The following MTREX variants were observed in gnomAD, a reference collection of about 807,000 sequenced individuals.
MTREX encodes the protein Mtr4 exosome RNA helicase.
A neutral mutation model predicts 135.4 loss-of-function variants in MTREX; 76 were observed. The ratio of observed to expected loss-of-function variants is 0.56; its 90% CI spans 0.47 to 0.68. The LOEUF is 0.68. Among genes scored for constraint, MTREX ranks in the 30% least tolerant of loss-of-function variants. MTREX has a pLI of 0.00. For synonymous variants in MTREX, 404 were observed against 401.6 expected (o/e 1.01, Z -0.07); for missense variants, 920 against 1,262.1 (o/e 0.73, Z 4.11).
intron 5 of MTREX, among the ~76,000 whole-genome samples, chr5:55,334,053 G>A (rs80253814): frequency 1.4e-3 from 210 of 152,176 alleles, no homozygotes; most frequent in African/African-American, 4.6e-3. Context: ...AACATTATGC[G>A]TACTAAAAGA....
At chr5:55,345,231 T>A (rs752163914) in intron 10 of MTREX, 35 bp downstream of exon 10, 1 of 1,340,780 alleles carries the variant, frequency 7.5e-7, no homozygotes, top group Admixed American at 1.7e-5. Flanking sequence ...GAATTTTACA[T>A]GTAAATTGTA....
intron 18 of MTREX, among the ~76,000 whole-genome samples, chr5:55,381,318 C>T (rs373714990): frequency 4.0e-5 from 6 of 151,880 alleles, no homozygotes; most frequent in Admixed American, 2.6e-4. Flanking sequence ...CTTTTTTCAA[C>T]GTGTTAAGGT....
At chr5:55,386,960 T>C (rs989369394) in intron 18 of MTREX, among the ~76,000 whole-genome samples, 9 of 152,152 alleles carry the variant, frequency 5.9e-5, no homozygotes, top group Non-Finnish European at 8.8e-5. Context: ...GCTCATTGTT[T>C]GTAAAACTCA....
At chr5:55,356,570 C>A in intron 14 of MTREX, 1 of 196,894 alleles carries the variant, frequency 5.1e-6, no homozygotes, top group South Asian at 1.0e-4. Context: ...GGTCCGCTGT[C>A]AGCAGGCAGT....
intron 18 of MTREX, among the ~76,000 whole-genome samples, chr5:55,380,395 T>A (rs1750377089): frequency 6.6e-6 from 1 of 152,156 alleles, no homozygotes; most frequent in Non-Finnish European, 1.5e-5. Flanking sequence ...AAAAGAAACA[T>A]ATGTCATTCA....
At chr5:55,403,724 T>A (rs1750758261) in intron 21 of MTREX, among the ~76,000 whole-genome samples, 1 of 152,226 alleles carries the variant, frequency 6.6e-6, no homozygotes, top group Non-Finnish European at 1.5e-5. Context: ...TAGCATTCAT[T>A]GTCTAGCTTG....
At chr5:55,387,447 TTC>T (rs1000484490) in intron 18 of MTREX, among the ~76,000 whole-genome samples, 3 of 152,098 alleles carry the variant, frequency 2.0e-5, no homozygotes, top group African/African-American at 7.2e-5. Context: ...AAAAAATATC[TTC>T]TGTTATTGCT....
At chr5:55,325,649 C>A (rs918618808) in intron 3 of MTREX, among the ~76,000 whole-genome samples, 6 of 151,986 alleles carry the variant, frequency 3.9e-5, no homozygotes, top group Non-Finnish European at 5.9e-5. Flanking sequence ...TGTGCCTAGC[C>A]ATGTGCAGGT....
chr5:55,409,538 T>C (rs1750854984), intron 22 of MTREX, among the ~76,000 whole-genome samples: 1 of 152,220 alleles, frequency 6.6e-6, no homozygotes, highest in Admixed American at 6.5e-5. Context: ...ATAAATATAT[T>C]GTCCTTATAA....
At chr5:55,308,210 A>G (rs541294144) in intron 1 of MTREX, 63 bp downstream of exon 1, 3 of 1,504,600 alleles carry the variant, frequency 2.0e-6, no homozygotes, top group East Asian at 4.7e-5. Context: ...AGAAAACACT[A>G]CTCTCTTAGG....
intron 25 of MTREX, among the ~76,000 whole-genome samples, chr5:55,421,625 A>T (rs1216411492): frequency 6.6e-6 from 1 of 152,230 alleles, no homozygotes; most frequent in Non-Finnish European, 1.5e-5. Flanking sequence ...CGAGTTACTA[A>T]AATTTGTGAA....
intron 15 of MTREX, among the ~76,000 whole-genome samples, chr5:55,365,984 C>T (rs1750097417): frequency 6.7e-6 from 1 of 149,060 alleles, no homozygotes; most frequent in Admixed American, 6.6e-5. Context: ...CAGCGAGACC[C>T]CATCTAAAAA....
chr5:55,421,017 AT>A (rs1177364934), intron 25 of MTREX, among the ~76,000 whole-genome samples: 2 of 152,200 alleles, frequency 1.3e-5, no homozygotes, highest in Admixed American at 1.3e-4. Context: ...ACTAGAAAGA[AT>A]TGGATTTCTC....
intron 16 of MTREX, among the ~76,000 whole-genome samples, chr5:55,375,356 G>C (rs556802187): frequency 3.3e-5 from 5 of 152,238 alleles, no homozygotes; most frequent in African/African-American, 1.2e-4. Context: ...TACGCCCCAG[G>C]GGGGACAGTT....
At chr5:55,315,506 G>C (rs532265354) in intron 1 of MTREX, among the ~76,000 whole-genome samples, 1 of 151,966 alleles carries the variant, frequency 6.6e-6, no homozygotes. Context: ...ACAAATATTT[G>C]TAGTTATTAT....
At chr5:55,308,637 G>A (rs1749028106) in intron 1 of MTREX, among the ~76,000 whole-genome samples, 1 of 152,090 alleles carries the variant, frequency 6.6e-6, no homozygotes, top group Non-Finnish European at 1.5e-5. Context: ...GTGGATATGA[G>A]GATTCAATGA....
At chr5:55,412,178 C>A (rs1750893728) in intron 23 of MTREX, among the ~76,000 whole-genome samples, 1 of 152,058 alleles carries the variant, frequency 6.6e-6, no homozygotes, top group Non-Finnish European at 1.5e-5. Context: ...TACTGATTGT[C>A]ATGTGGATTT....
chr5:55,393,306 CT>C (rs1255252611), intron 19 of MTREX, among the ~76,000 whole-genome samples: 2 of 152,154 alleles, frequency 1.3e-5, no homozygotes. Context: ...GTTGGCATTG[CT>C]TTTATGGAGA....
chr5:55,345,143 A>T lies in MTREX; in HGVS notation c.1055A>T (p.Asp352Val), dbSNP rs1319009651. 1 of 1,613,686 alleles carries T rather than the reference A, an allele frequency of 6.2e-7. No individual in the cohort carries two copies. The highest frequency in any genetic ancestry group is 1.1e-5 in the South Asian group (1 of 91,014). The change falls in exon 10 of 27, where the codon GAT becomes GTT. Residue 352 changes from aspartate (D) to valine (V), a missense_variant. This residue lies in a region of MTREX where 101 missense variants were observed against 119.1 expected (regional missense o/e 0.85). Transcript: ENST00000230640. ...NFNTAMQVLR[D>V]AGDLAKGDQK... ...AATACTGCAATGCAAGTGCTTCGAG[A>T]TGCAGGTGATTTGGCCAAAGGAGAC... is the stretch of plus-strand genomic sequence containing the variant.
Sources: gnomAD v4.1 joint callset for allele counts (sites outside exome capture counted in the v4.1 genomes callset) on GRCh38, gnomAD v4.1.1 for gene constraint, gnomAD v4.1.1 regional missense constraint, MANE v1.5 for transcripts, NCBI Gene and HGNC (gene_info 2026-07-23, HGNC 2026-07-21) for gene names.